ERC2: variants seen among roughly 807,000 people sequenced by gnomAD.
ERC2 encodes ERC protein 2.
In ERC2, 42 loss-of-function variants were observed where a neutral mutation model predicts 114.8. The ratio of observed to expected loss-of-function variants is 0.37; its 90% CI spans 0.29 to 0.47. The LOEUF is 0.47. ERC2 is among the 20% of genes least tolerant of loss of function. The probability of loss-of-function intolerance (pLI) is 0.99; values close to 1 mark genes in which losing one functional copy is unlikely to be tolerated. For missense variants in ERC2, 939 were observed against 1,150.7 expected (o/e 0.82, Z 2.66); for synonymous variants, 454 against 425.5 (o/e 1.07, Z -0.82).
At chr3:55,989,366 T>C (rs181293715) in intron 11 of ERC2, among the ~76,000 whole-genome samples, 64 of 152,376 alleles carry the variant, frequency 4.2e-4, no homozygotes, top group Non-Finnish European at 7.9e-4. Context: ...AAGCTGTTTA[T>C]ATGTAAATGT....
At chr3:55,649,451 G>A (rs934805609) in intron 17 of ERC2, among the ~76,000 whole-genome samples, 3 of 151,912 alleles carry the variant, frequency 2.0e-5, no homozygotes, top group African/African-American at 7.3e-5. Flanking sequence ...TACTAGAGAT[G>A]GGGTTTCACC....
intron 6 of ERC2, among the ~76,000 whole-genome samples, chr3:56,092,905 C>T (rs191683460): frequency 9.5e-4 from 145 of 152,190 alleles, no homozygotes; most frequent in African/African-American, 3.3e-3. Flanking sequence ...ATATTGATCC[C>T]GCTTAGATAT....
chr3:55,527,804 A>T (rs187527483), intron 17 of ERC2, among the ~76,000 whole-genome samples: 8 of 152,348 alleles, frequency 5.3e-5, no homozygotes, highest in Admixed American at 5.2e-4. Flanking sequence ...GGATGGAAGC[A>T]TCAGAGACTT....
chr3:56,167,476 T>TA (rs901391573), intron 4 of ERC2, among the ~76,000 whole-genome samples: 3 of 151,468 alleles, frequency 2.0e-5, no homozygotes, highest in East Asian at 1.9e-4. Context: ...TCTCATCTTC[T>TA]AAAAAAAAAT....
intron 2 of ERC2, among the ~76,000 whole-genome samples, chr3:56,356,325 ATACAGGTATG>A (rs537188646): frequency 1.4e-4 from 21 of 152,316 alleles, no homozygotes; most frequent in Admixed American, 7.8e-4. Flanking sequence ...GAAAACAGTA[ATACAGGTATG>A]TACGAGGGCC....
intron 10 of ERC2, among the ~76,000 whole-genome samples, chr3:56,002,688 C>T (rs2072166242): frequency 6.6e-6 from 1 of 152,138 alleles, no homozygotes; most frequent in Non-Finnish European, 1.5e-5. Flanking sequence ...GTTTTTAAAT[C>T]TAAACCTGTT....
At chr3:56,070,512 A>G (rs2076685240) in intron 7 of ERC2, among the ~76,000 whole-genome samples, 1 of 149,920 alleles carries the variant, frequency 6.7e-6, no homozygotes, top group Non-Finnish European at 1.5e-5. Context: ...TATAGAATAT[A>G]AGGTCTTAAC....
chr3:56,284,513 A>C (rs2054550535), intron 3 of ERC2, among the ~76,000 whole-genome samples: 1 of 152,188 alleles, frequency 6.6e-6, no homozygotes, highest in Non-Finnish European at 1.5e-5. Context: ...AAACCACTAC[A>C]CTCCAAAATT....
intron 17 of ERC2, among the ~76,000 whole-genome samples, chr3:55,681,002 G>A (rs2062029973): frequency 6.6e-6 from 1 of 152,142 alleles, no homozygotes; most frequent in African/African-American, 2.4e-5. Flanking sequence ...GCCCTTCCAA[G>A]TGTAGGGCCT....
chr3:56,194,298 A>C (rs1402627900), intron 3 of ERC2, among the ~76,000 whole-genome samples: 1 of 152,134 alleles, frequency 6.6e-6, no homozygotes, highest in Non-Finnish European at 1.5e-5. Flanking sequence ...TATTTGGAAA[A>C]AAAAGGTATT....
intron 1 of ERC2, among the ~76,000 whole-genome samples, chr3:56,442,201 T>C (rs1416072903): frequency 6.6e-6 from 1 of 152,080 alleles, no homozygotes; most frequent in African/African-American, 2.4e-5. Flanking sequence ...ATACATTCAG[T>C]AAATACACCT....
chr3:55,665,447 AG>A (rs1305210043), intron 17 of ERC2, among the ~76,000 whole-genome samples: 3 of 152,234 alleles, frequency 2.0e-5, no homozygotes, highest in Non-Finnish European at 4.4e-5. Flanking sequence ...TCATTTGTTA[AG>A]ATGAGGTCAT....
chr3:55,825,778 T>C (rs1248397782), intron 14 of ERC2, among the ~76,000 whole-genome samples: 1 of 152,208 alleles, frequency 6.6e-6, no homozygotes, highest in African/African-American at 2.4e-5. Context: ...TTATGAAAAC[T>C]GAAAAACTAC....
At chr3:55,877,512 TTTC>T (rs2062913210) in intron 14 of ERC2, among the ~76,000 whole-genome samples, 1 of 146,606 alleles carries the variant, frequency 6.8e-6, no homozygotes, top group African/African-American at 2.6e-5. Flanking sequence ...ATTTTTATTT[TTTC>T]TTTTTTTTTT....
intron 2 of ERC2, among the ~76,000 whole-genome samples, chr3:56,303,937 A>G (rs899238824): frequency 3.9e-5 from 6 of 152,216 alleles, no homozygotes; most frequent in African/African-American, 9.7e-5. Context: ...CAAGCTTACA[A>G]TAAAAAATTA....
At chr3:56,433,977 CT>C (rs2061906008) in intron 2 of ERC2, 1 of 200,900 alleles carries the variant, frequency 5.0e-6, no homozygotes, top group African/African-American at 2.3e-5. Flanking sequence ...CTCTTAAAGT[CT>C]TTATTCTTAC....
intron 14 of ERC2, among the ~76,000 whole-genome samples, chr3:55,768,466 T>C (rs568289766): frequency 3.4e-4 from 52 of 152,246 alleles, no homozygotes; most frequent in Non-Finnish European, 6.5e-4. Context: ...AAATTCAAAG[T>C]GTCATAAGAG....
At chr3:55,720,535 T>C (rs2148885182) in intron 15 of ERC2, among the ~76,000 whole-genome samples, 1 of 152,064 alleles carries the variant, frequency 6.6e-6, no homozygotes, top group African/African-American at 2.4e-5. Flanking sequence ...TCTTTCCGCC[T>C]TGGCCTCCCA....
At chr3:56,262,092 AT>A (rs1264628119) in intron 3 of ERC2, among the ~76,000 whole-genome samples, 2 of 152,008 alleles carry the variant, frequency 1.3e-5, no homozygotes, top group East Asian at 1.9e-4. Flanking sequence ...TATGCACCAC[AT>A]TTTTTTTATC....
Sources: gnomAD v4.1 joint callset for allele counts (sites outside exome capture counted in the v4.1 genomes callset) on GRCh38, gnomAD v4.1.1 for gene constraint, MANE v1.5 for transcripts, NCBI Gene and HGNC (gene_info 2026-07-23, HGNC 2026-07-21) for gene names.